Variants in DCUN1D4 observed in about 807,000 individuals in gnomAD.
DCUN1D4 encodes the protein defective in cullin neddylation 1 domain containing 4, also known as DCN1-like protein 4.
Under a neutral mutation model 47.9 loss-of-function variants are expected in DCUN1D4, and 22 were observed. The observed-to-expected ratio is 0.46, with a 90% CI of 0.33 to 0.66. DCUN1D4 has a LOEUF of 0.66. Among genes scored for constraint, DCUN1D4 ranks in the 30% least tolerant of loss-of-function variants. DCUN1D4 has a pLI of 0.02. For synonymous variants in DCUN1D4, 121 were observed against 112.2 expected (o/e 1.08, Z -0.50); for missense variants, 301 against 340.8 (o/e 0.88, Z 0.92).
intron 8 of DCUN1D4, chr4:51,908,973 G>A (rs1164649287): frequency 4.4e-6 from 2 of 456,190 alleles, no homozygotes; most frequent in Non-Finnish European, 8.8e-6. Context: ...TTGCAGAGCA[G>A]GAGTAAGTGA....
chr4:51,861,491 G>A (rs1437958379), intron 1 of DCUN1D4, among the ~76,000 whole-genome samples: 1 of 152,178 alleles, frequency 6.6e-6, no homozygotes, highest in African/African-American at 2.4e-5. Flanking sequence ...AGATATAACA[G>A]TTTTGGTTTA....
the DCUN1D4 span, among the ~76,000 whole-genome samples, chr4:51,837,976 G>C: frequency 6.6e-6 from 1 of 152,064 alleles, no homozygotes; most frequent in South Asian, 2.1e-4. Flanking sequence ...TCAGGAGTTA[G>C]AGACCAGCCT....
intron 1 of DCUN1D4, among the ~76,000 whole-genome samples, chr4:51,856,420 A>G (rs1724145615): frequency 6.6e-6 from 1 of 152,166 alleles, no homozygotes; most frequent in Admixed American, 6.5e-5. Context: ...TCCCTGGGGG[A>G]AAAATGGTGA....
intron 5 of DCUN1D4, among the ~76,000 whole-genome samples, chr4:51,881,495 A>C (rs1365250467): frequency 1.3e-5 from 2 of 152,170 alleles, no homozygotes; most frequent in Non-Finnish European, 2.9e-5. Context: ...TGGGGCCATT[A>C]TGAAAAGGTC....
chr4:51,886,549 A>G lies in DCUN1D4; in HGVS notation c.344-19A>G, dbSNP rs768735556. On this transcript the variant is annotated intron_variant, in intron 5 of 10. Transcript: ENST00000334635. ...GTGTGCATGGTCAGATTTAATTTAC[A>G]TAAGACTGTATTTCACAGGAACTGA... 21 of 1,610,900 alleles carry G rather than the reference A, an allele frequency of 1.3e-5. No individual in the cohort carries two copies. The highest frequency in any genetic ancestry group is 3.3e-5 in the Admixed American group (2 of 59,958).
intron 1 of DCUN1D4, among the ~76,000 whole-genome samples, chr4:51,851,050 C>T (rs935640905): frequency 1.3e-5 from 2 of 152,248 alleles, no homozygotes; most frequent in African/African-American, 2.4e-5. Flanking sequence ...CTTACAATTA[C>T]TGTGTGATGA....
At chr4:51,863,402 A>G (rs750491848) in intron 1 of DCUN1D4, 35 bp from the exon 2 acceptor site, 36 of 1,500,070 alleles carry the variant, frequency 2.4e-5, no homozygotes, top group Non-Finnish European at 3.3e-5. Flanking sequence ...TATTGGAAAT[A>G]AATGACGCTG....
chr4:51,855,856 G>A (rs1039947256), intron 1 of DCUN1D4, among the ~76,000 whole-genome samples: 4 of 152,188 alleles, frequency 2.6e-5, no homozygotes, highest in African/African-American at 7.2e-5. Flanking sequence ...ATGGAAAAGA[G>A]GGCATGTGTT....
chr4:51,872,485 T>C (rs1202362419), intron 3 of DCUN1D4, among the ~76,000 whole-genome samples: 1 of 152,204 alleles, frequency 6.6e-6, no homozygotes, highest in Non-Finnish European at 1.5e-5. Context: ...CTAAATCTCA[T>C]GTGTGCCTTC....
intron 9 of DCUN1D4, 25 bp downstream of exon 9, chr4:51,911,199 T>C: frequency 2.5e-6 from 4 of 1,584,958 alleles, no homozygotes; most frequent in Middle Eastern, 1.7e-4. Context: ...TTTTATGAAA[T>C]GTATGTTTGC....
In DCUN1D4 at chr4:51,877,869, G is replaced by A; in HGVS notation, c.343+15G>A. On this transcript the variant is annotated intron_variant, in intron 5 of 10. Coordinates refer to ENST00000334635, the MANE Select transcript of DCUN1D4 (RefSeq NM_001040402.3). ...TGAATATGCAGGTAGGTATTCATTT[G>A]TATCATCTAAGACTGATCCTTATGA... 1.3e-6 allele frequency: 2 copies of A among 1,538,862 alleles called. No homozygotes were observed. Among genetic ancestry groups the A allele is most frequent in the Non-Finnish European group, 9.0e-7 (1 of 1,116,060 alleles).
chr4:51,836,181 T>A, the DCUN1D4 span, among the ~76,000 whole-genome samples: 10 of 152,184 alleles, frequency 6.6e-5, no homozygotes, highest in Admixed American at 2.6e-4. Context: ...AACTTGAATG[T>A]TTAATCTAGG....
intron 8 of DCUN1D4, among the ~76,000 whole-genome samples, chr4:51,907,115 G>A (rs1733011294): frequency 6.6e-6 from 1 of 152,174 alleles, no homozygotes; most frequent in South Asian, 2.1e-4. Flanking sequence ...GTCTGCAGAC[G>A]TCATTTCAAA....
intron 1 of DCUN1D4, among the ~76,000 whole-genome samples, chr4:51,856,797 G>A (rs1032557392): frequency 2.0e-5 from 3 of 152,198 alleles, no homozygotes; most frequent in Non-Finnish European, 2.9e-5. Context: ...TTATATAGAG[G>A]TTGGTTCTAA....
chr4:51,886,714 A>C, intron 6 of DCUN1D4, 76 bp downstream of exon 6: 1 of 1,227,428 alleles, frequency 8.1e-7, no homozygotes, highest in South Asian at 1.3e-5. Flanking sequence ...TAGCAAATAA[A>C]TAAATAATTA....
chr4:51,836,021 C>T, the DCUN1D4 span, among the ~76,000 whole-genome samples: 2 of 152,180 alleles, frequency 1.3e-5, no homozygotes, highest in Non-Finnish European at 2.9e-5. Context: ...AGCCCCCTAA[C>T]AGAATTCCCA....
chr4:51,834,084 C>CTT, the DCUN1D4 span, among the ~76,000 whole-genome samples: 755 of 44,878 alleles, frequency 0.017, 33 homozygotes, highest in African/African-American at 0.095. Flanking sequence ...CTCTCTCTCT[C>CTT]TCTTTTCTTT....
chr4:51,834,454 T>A, the DCUN1D4 span, among the ~76,000 whole-genome samples: 6 of 151,826 alleles, frequency 4.0e-5, no homozygotes, highest in Admixed American at 1.3e-4. Context: ...TGAAAGGACA[T>A]GAGGCTTTTA....
At chr4:51,904,614 A>T (rs111390565) in intron 8 of DCUN1D4, among the ~76,000 whole-genome samples, 68 of 152,266 alleles carry the variant, frequency 4.5e-4, no homozygotes, top group African/African-American at 1.4e-3. Context: ...GCTGGTATCA[A>T]CCTGAGGCTT....
Sources: allele counts gnomAD v4.1 joint callset (sites outside exome capture counted in the v4.1 genomes callset), GRCh38; gene constraint gnomAD v4.1.1; transcripts MANE v1.5; gene names NCBI Gene and HGNC (gene_info 2026-07-23, HGNC 2026-07-21).